The following DTWD2 variants were observed in gnomAD, a reference collection of about 807,000 sequenced individuals.
DTWD2 encodes the protein tRNA-uridine aminocarboxypropyltransferase 2.
DTWD2 carries 39 observed loss-of-function variants against 31.8 expected under a neutral mutation model. The observed-to-expected ratio is 1.22, with a 90% confidence interval of 0.95 to 1.60. The LOEUF (loss-of-function observed/expected upper bound fraction) is 1.60, where lower values mean the gene tolerates loss of function less well. DTWD2 is among the 40% of genes most tolerant of loss of function. The pLI is 0.00. For missense variants in DTWD2, 515 were observed against 381.5 expected (o/e 1.35, Z -2.92); for synonymous variants, 180 against 142.8 (o/e 1.26, Z -1.86).
intron 1 of DTWD2, among the ~76,000 whole-genome samples, chr5:118,948,265 G>A (rs1043670090): frequency 6.6e-6 from 1 of 152,016 alleles, no homozygotes; most frequent in African/African-American, 2.4e-5. Context: ...CACAAGGTCA[G>A]GAGTTAGGGA....
At chr5:118,949,374 T>G (rs1042658747) in intron 1 of DTWD2, among the ~76,000 whole-genome samples, 1 of 152,024 alleles carries the variant, frequency 6.6e-6, no homozygotes. Flanking sequence ...AAAGGAAGCA[T>G]GCTTGAGATC....
At chr5:118,957,475 C>G (rs1179123046) in intron 1 of DTWD2, among the ~76,000 whole-genome samples, 1 of 152,188 alleles carries the variant, frequency 6.6e-6, no homozygotes, top group East Asian at 1.9e-4. Flanking sequence ...CTGCCTTGGC[C>G]TCACAAAGTG....
intron 1 of DTWD2, among the ~76,000 whole-genome samples, chr5:118,960,688 C>A (rs1754685180): frequency 6.6e-6 from 1 of 151,998 alleles, no homozygotes; most frequent in African/African-American, 2.4e-5. Context: ...AAATGAGCAT[C>A]AGTGGTAGAC....
At chr5:118,885,195 T>C (rs1238321449) in intron 4 of DTWD2, among the ~76,000 whole-genome samples, 1 of 150,610 alleles carries the variant, frequency 6.6e-6, no homozygotes, top group Non-Finnish European at 1.5e-5. Flanking sequence ...GTCTCATGCC[T>C]GTAATCCCAA....
At chr5:118,842,741 C>T (rs73236920) in intron 5 of DTWD2, among the ~76,000 whole-genome samples, 52,675 of 150,768 alleles carry the variant, frequency 0.35, 11,432 homozygotes, top group African/African-American at 0.62. Flanking sequence ...GAGACCAGCC[C>T]AGGCAACATG....
intron 1 of DTWD2, among the ~76,000 whole-genome samples, chr5:118,973,453 G>A (rs1018354809): frequency 1.3e-5 from 2 of 152,156 alleles, no homozygotes; most frequent in Admixed American, 1.3e-4. Context: ...AGGCCTGGTG[G>A]TGACAAAATC....
intron 4 of DTWD2, among the ~76,000 whole-genome samples, chr5:118,861,310 C>T (rs773146851): frequency 1.3e-5 from 2 of 152,152 alleles, no homozygotes; most frequent in African/African-American, 2.4e-5. Context: ...TTTGGTGAAG[C>T]CCACTTAAAA....
intron 1 of DTWD2, among the ~76,000 whole-genome samples, chr5:118,970,428 A>G (rs769125518): frequency 6.6e-6 from 1 of 152,190 alleles, no homozygotes; most frequent in Non-Finnish European, 1.5e-5. Flanking sequence ...TCTGTCTCAG[A>G]AAAAGAAAAA....
chr5:118,942,404 G>A (rs937674923), intron 2 of DTWD2, among the ~76,000 whole-genome samples: 1 of 151,988 alleles, frequency 6.6e-6, no homozygotes, highest in Admixed American at 6.6e-5. Flanking sequence ...CTGTATGGAT[G>A]CATTTCTACA....
intron 4 of DTWD2, among the ~76,000 whole-genome samples, chr5:118,862,112 C>A (rs570152548): frequency 2.9e-4 from 44 of 152,318 alleles, no homozygotes; most frequent in African/African-American, 1.1e-3. Flanking sequence ...GAAGCGCCAA[C>A]CCTATCATGA....
intron 1 of DTWD2, among the ~76,000 whole-genome samples, chr5:118,945,774 A>AAGAAAAGAAAG (rs1754322677): frequency 7.4e-6 from 1 of 134,262 alleles, no homozygotes; most frequent in African/African-American, 2.9e-5. Flanking sequence ...CAAAAAAAAA[A>AAGAAAAGAAAG]AAAGAAAGAA....
At chr5:118,927,420 G>A (rs1324616418) in intron 4 of DTWD2, among the ~76,000 whole-genome samples, 1 of 151,916 alleles carries the variant, frequency 6.6e-6, no homozygotes, top group East Asian at 1.9e-4. Flanking sequence ...AACTATAATA[G>A]CCAATATAAA....
At chr5:118,923,474 G>A (rs1003399282) in intron 4 of DTWD2, among the ~76,000 whole-genome samples, 2 of 152,212 alleles carry the variant, frequency 1.3e-5, no homozygotes, top group African/African-American at 4.8e-5. Context: ...AGACAGGCAT[G>A]TATGCAACTT....
chr5:118,932,673 G>A (rs1051175119), intron 3 of DTWD2, among the ~76,000 whole-genome samples: 4 of 152,176 alleles, frequency 2.6e-5, no homozygotes, highest in Admixed American at 1.3e-4. Flanking sequence ...CACAAAAGAA[G>A]AGATGGCAGG....
rs759930368 is a variant in DTWD2 at position 118,968,197 on chromosome 5, G to GA, written c.218+20096dup. On this transcript the variant is annotated intron_variant, in intron 1 of 5. Transcript: ENST00000510708. ...TATTCTTCAAAAGTAACAAAATCGT[G>GA]AAAAAAAAAAAAAGAAAAACCTAAG... 6.9e-3 allele frequency among the ~76,000 whole-genome samples: 864 copies of GA among 126,028 alleles called. 6 individuals are homozygous for GA. Among genetic ancestry groups the GA allele is most frequent in the African/African-American group, 0.02 (679 of 34,224 alleles). The allele number at this position is 126,028 out of a possible 152,430, so 82.7% of individuals were successfully genotyped here.
chr5:118,957,573 T>A (rs549830680), intron 1 of DTWD2, among the ~76,000 whole-genome samples: 3 of 152,170 alleles, frequency 2.0e-5, no homozygotes, highest in African/African-American at 7.2e-5. Context: ...AAAACGGTGA[T>A]ATATATAATA....
chr5:118,840,651 C>A lies in DTWD2; in HGVS notation c.*266G>T. 8.1e-6 allele frequency: 2 copies of A among 245,938 alleles called. No individual in the cohort carries two copies. Among genetic ancestry groups the A allele is most frequent in the Non-Finnish European group, 1.5e-5 (2 of 130,062 alleles). 15.2% of individuals were successfully genotyped at this position (245,938 alleles called of 1,614,324 possible). A position where few individuals can be genotyped will look rare whatever the true frequency, so the allele number is the denominator to read the frequency against. On this transcript the variant is annotated 3_prime_UTR_variant, in exon 6 of 6. Coordinates refer to ENST00000510708, the MANE Select transcript of DTWD2 (RefSeq NM_173666.4). Reference sequence around the variant, plus strand: ...CTTCTAACCTATCACAACAACAAATCATATTTTAAATTTGGGTTTGAAAAC... The same window carrying A: ...CTTCTAACCTATCACAACAACAAATAATATTTTAAATTTGGGTTTGAAAAC...
At chr5:118,907,430 G>A (rs1415231436) in intron 4 of DTWD2, among the ~76,000 whole-genome samples, 1 of 152,146 alleles carries the variant, frequency 6.6e-6, no homozygotes, top group Non-Finnish European at 1.5e-5. Flanking sequence ...GTGTGAGCCA[G>A]CAGGTTCAAG....
At chr5:118,901,676 TA>T (rs1164680133) in intron 4 of DTWD2, among the ~76,000 whole-genome samples, 2 of 152,172 alleles carry the variant, frequency 1.3e-5, no homozygotes, top group African/African-American at 4.8e-5. Flanking sequence ...GACCTGTCAA[TA>T]AAAATTAAAA....
Sources: gnomAD v4.1 joint callset for allele counts (sites outside exome capture counted in the v4.1 genomes callset) on GRCh38, gnomAD v4.1.1 for gene constraint, MANE v1.5 for transcripts, NCBI Gene and HGNC (gene_info 2026-07-23, HGNC 2026-07-21) for gene names.